Variants in SLIT2 observed in about 807,000 individuals in gnomAD.
The protein encoded by SLIT2 is slit guidance ligand 2, also known as slit homolog 2 protein.
A neutral mutation model predicts 185.7 loss-of-function variants in SLIT2; 41 were observed. That is an observed-to-expected ratio of 0.22 (90% CI 0.17 to 0.29). The LOEUF (loss-of-function observed/expected upper bound fraction) is 0.29. Ranked by LOEUF, SLIT2 falls within the 10% of genes least tolerant of loss-of-function variation. The pLI is 1.00. For missense variants in SLIT2, 1,571 were observed against 1,909.0 expected, an observed-to-expected ratio of 0.82 and a Z score of 3.30; for synonymous variants, 693 against 680.2, an observed-to-expected ratio of 1.02 and a Z score of -0.29.
intron 6 of SLIT2, among the ~76,000 whole-genome samples, chr4:20,482,509 C>T (rs985917068): frequency 1.3e-4 from 20 of 151,872 alleles, no homozygotes; most frequent in African/African-American, 2.9e-4. Context: ...AGAAGCAGTA[C>T]GTTTATGAAA....
chr4:20,493,630 G>A (rs749095378), intron 9 of SLIT2, among the ~76,000 whole-genome samples: 2 of 152,114 alleles, frequency 1.3e-5, no homozygotes, highest in African/African-American at 2.4e-5. Context: ...TGGAACCCCA[G>A]GTTTACCTAT....
At chr4:20,601,973 C>T (rs1201193345) in intron 33 of SLIT2, among the ~76,000 whole-genome samples, 1 of 152,040 alleles carries the variant, frequency 6.6e-6, no homozygotes, top group Non-Finnish European at 1.5e-5. Context: ...ATTTCAATTG[C>T]CTGCTTAATT....
At chr4:20,556,560 CAAGAT>C (rs965394532) in intron 26 of SLIT2, among the ~76,000 whole-genome samples, 1 of 151,940 alleles carries the variant, frequency 6.6e-6, no homozygotes, top group Non-Finnish European at 1.5e-5. Context: ...CTTGGAAGTC[CAAGAT>C]AAGTCCCCTG....
At chr4:20,312,771 C>CAAAAAA (rs34372893) in intron 4 of SLIT2, among the ~76,000 whole-genome samples, 2 of 102,164 alleles carry the variant, frequency 2.0e-5, no homozygotes, top group East Asian at 2.3e-4. Flanking sequence ...GACTTTGTCT[C>CAAAAAA]AAAAAAAAAA....
intron 12 of SLIT2, 30 bp from the exon 13 acceptor site, chr4:20,523,730 C>T (rs371159981): frequency 1.2e-6 from 2 of 1,605,948 alleles, no homozygotes; most frequent in Non-Finnish European, 1.7e-6. Context: ...AGATGCTACA[C>T]TTTAATTCTA....
intron 4 of SLIT2, among the ~76,000 whole-genome samples, chr4:20,389,672 C>T (rs1234873299): frequency 6.6e-6 from 1 of 151,956 alleles, no homozygotes. Context: ...CAGAGGTGAG[C>T]ATAAGACTTA....
At chr4:20,339,033 T>C (rs899137441) in intron 4 of SLIT2, among the ~76,000 whole-genome samples, 1 of 140,286 alleles carries the variant, frequency 7.1e-6, no homozygotes, top group African/African-American at 2.7e-5. Flanking sequence ...TTTGAGCTTA[T>C]GGTGAGGTAT....
intron 29 of SLIT2, among the ~76,000 whole-genome samples, chr4:20,570,665 C>T (rs1338903892): frequency 4.7e-5 from 7 of 148,802 alleles, no homozygotes; most frequent in Non-Finnish European, 1.0e-4. Context: ...ACAAATTGGA[C>T]CCAAGCATTT....
At chr4:20,535,049 C>A (rs1722147446) in intron 18 of SLIT2, among the ~76,000 whole-genome samples, 1 of 151,938 alleles carries the variant, frequency 6.6e-6, no homozygotes, top group African/African-American at 2.4e-5. Context: ...GCCTGTAATC[C>A]CAGCACTTTG....
chr4:20,619,058 C>T lies in SLIT2; in HGVS notation c.*49C>T, dbSNP rs1439928134. ...TTGGAAAAGGTTGTATACTTCTTGA[C>T]CGTGTGGGACTAATGAATGCTTCAT... is the stretch of plus-strand genomic sequence containing the variant. On this transcript the variant is annotated 3_prime_UTR_variant, in exon 37 of 37. Transcript: ENST00000504154. 1.9e-6 allele frequency: 3 copies of T among 1,566,328 alleles called. No individual in the cohort carries two copies. The highest frequency in any genetic ancestry group is 8.7e-7 in the Non-Finnish European group (1 of 1,143,336).
chr4:20,311,255 C>T (rs1377896255), intron 4 of SLIT2, among the ~76,000 whole-genome samples: 1 of 152,176 alleles, frequency 6.6e-6, no homozygotes, highest in Non-Finnish European at 1.5e-5. Flanking sequence ...AAGTTGGGAG[C>T]AATTAGAAAA....
At chr4:20,517,818 T>C (rs1720348795) in intron 11 of SLIT2, among the ~76,000 whole-genome samples, 1 of 152,050 alleles carries the variant, frequency 6.6e-6, no homozygotes, top group South Asian at 2.1e-4. Flanking sequence ...AGTTATTTTC[T>C]TCCTTTTCAA....
intron 17 of SLIT2, among the ~76,000 whole-genome samples, chr4:20,532,498 T>C (rs1450256353): frequency 6.6e-6 from 1 of 152,144 alleles, no homozygotes; most frequent in African/African-American, 2.4e-5. Flanking sequence ...AGCTCATCTG[T>C]GTTACTACAT....
At chr4:20,595,057 A>G (rs925223364) in intron 30 of SLIT2, among the ~76,000 whole-genome samples, 1 of 152,166 alleles carries the variant, frequency 6.6e-6, no homozygotes, top group Non-Finnish European at 1.5e-5. Flanking sequence ...CATGGTGAAC[A>G]GGCTGAAAAC....
In SLIT2 at chr4:20,328,258, T is replaced by C. The variant is rs116122326; in HGVS notation, c.395+59377T>C. 7.6e-3 allele frequency among the ~76,000 whole-genome samples: 1,151 copies of C among 152,156 alleles called. 15 individuals are homozygous for C. Among genetic ancestry groups the C allele is most frequent in the African/African-American group, 0.026 (1,087 of 41,540 alleles). On this transcript the variant is annotated intron_variant, in intron 4 of 36. Coordinates refer to ENST00000504154, the MANE Select transcript of SLIT2 (RefSeq NM_004787.4). ...ATAAGAAATTATTCAAACAAGTAATTTGATGAATGACACATAGGAATATTT... is the reference window on the plus strand; with the variant it reads ...ATAAGAAATTATTCAAACAAGTAATCTGATGAATGACACATAGGAATATTT...
chr4:20,535,972 A>G (rs1007689294), intron 18 of SLIT2, among the ~76,000 whole-genome samples: 2 of 152,222 alleles, frequency 1.3e-5, no homozygotes, highest in African/African-American at 2.4e-5. Flanking sequence ...CCTAGGCTAT[A>G]TGGCACAGCC....
intron 4 of SLIT2, among the ~76,000 whole-genome samples, chr4:20,442,523 C>CAAAAAAAAAAA (rs3049201): frequency 1.3e-5 from 1 of 74,224 alleles, no homozygotes. Flanking sequence ...GACTCTGTCT[C>CAAAAAAAAAAA]AAAAAAAAAA....
rs907312658 is a variant in SLIT2, at chr4:20,574,667, G to A, written c.3088+5663G>A. 5.3e-5 allele frequency among the ~76,000 whole-genome samples: 8 copies of A among 151,684 alleles called. No individual in the cohort carries two copies. The South Asian group carries it at 6.2e-4, about 12-fold the overall frequency. ...CAGGGCGTTGCGGCACAAGCTTGTA[G>A]TCCCAGCCACTTGGGAGGCTGAAGC... On this transcript the variant is annotated intron_variant, in intron 29 of 36. Coordinates refer to ENST00000504154, the MANE Select transcript of SLIT2 (RefSeq NM_004787.4).
chr4:20,522,938 G>A (rs559513060), intron 12 of SLIT2, among the ~76,000 whole-genome samples: 11 of 152,154 alleles, frequency 7.2e-5, no homozygotes, highest in African/African-American at 2.6e-4. Context: ...CAGTAACATA[G>A]TAAGTTGTGT....
Sources: allele counts gnomAD v4.1 joint callset (sites outside exome capture counted in the v4.1 genomes callset), GRCh38; gene constraint gnomAD v4.1.1; transcripts MANE v1.5; gene names NCBI Gene and HGNC (gene_info 2026-07-23, HGNC 2026-07-21).